PFKL: variants seen among roughly 807,000 people sequenced by gnomAD.
The protein encoded by PFKL is ATP-dependent 6-phosphofructokinase, liver type.
PFKL carries 74 observed loss-of-function variants against 92.1 expected under a neutral mutation model. That is an observed-to-expected ratio of 0.80 (90% confidence interval 0.67 to 0.97). The LOEUF is 0.97. Ranked by LOEUF, PFKL falls within the 50% of genes least tolerant of loss-of-function variation. The probability of loss-of-function intolerance (pLI) is 0.00; values close to 1 mark genes in which losing one functional copy is unlikely to be tolerated. For missense variants in PFKL, 1,028 were observed against 1,116.6 expected (o/e 0.92, Z 1.13); for synonymous variants, 494 against 456.4 (o/e 1.08, Z -1.05).
In PFKL at chr21:44,324,930, T is replaced by G; in HGVS notation, c.1877+13T>G. 1 of 1,596,478 alleles carries G rather than the reference T, an allele frequency of 6.3e-7. No individual in the cohort carries two copies. Among genetic ancestry groups the G allele is most frequent in the South Asian group, 1.1e-5 (1 of 89,078 alleles). On this transcript the variant is annotated intron_variant, in intron 18 of 21. Transcript: ENST00000349048. ...GCCTGGTGCTGCGGTGAGGCTGCCGTGGGTCCCTGGCCACAGCTGCGCGTC... is the reference window on the plus strand; with the variant it reads ...GCCTGGTGCTGCGGTGAGGCTGCCGGGGGTCCCTGGCCACAGCTGCGCGTC...
chr21:44,309,213 T>C (rs1175064299), intron 2 of PFKL, among the ~76,000 whole-genome samples: 1 of 152,076 alleles, frequency 6.6e-6, no homozygotes, highest in Admixed American at 6.5e-5. Flanking sequence ...CGATCCCTTC[T>C]CCTTGGGGCT....
At chr21:44,311,531 C>A (rs952698510) in intron 3 of PFKL, among the ~76,000 whole-genome samples, 2 of 152,148 alleles carry the variant, frequency 1.3e-5, no homozygotes, top group African/African-American at 4.8e-5. Flanking sequence ...TACTCAGAGT[C>A]ACACACACAC....
In PFKL at chr21:44,303,441, A is replaced by AAAAAAAAAAAAAGACTTGATCG. The variant is rs1555874967; in HGVS notation, c.86-3228_86-3227insGACTTGATCGAAAAAAAAAAAA. Reference sequence around the variant, plus strand: ...AAAAAAACAGACTTGACCAAAAAAAAAAAAAAAAAAAAAATGGCCCGGCCT... The same window carrying AAAAAAAAAAAAAGACTTGATCG: ...AAAAAAACAGACTTGACCAAAAAAAAAAAAAAAAAAAAGACTTGATCGAAAAAAAAAAAAAATGGCCCGGCCT... On this transcript the variant is annotated intron_variant, in intron 1 of 21. Coordinates refer to ENST00000349048, the MANE Select transcript of PFKL (RefSeq NM_002626.6). Among the ~76,000 whole-genome samples the AAAAAAAAAAAAAGACTTGATCG allele has an allele frequency of 3.5e-3, 336 of 97,078 alleles. 53 individuals carry two copies. The highest frequency in any genetic ancestry group is 5.9e-3 in the Middle Eastern group (1 of 170). The allele number at this position is 97,078 out of a possible 152,430, so 63.7% of individuals were successfully genotyped here.
At chr21:44,317,326 A>G (rs1035812647) in intron 9 of PFKL, among the ~76,000 whole-genome samples, 9 of 152,096 alleles carry the variant, frequency 5.9e-5, no homozygotes, top group Non-Finnish European at 1.2e-4. Flanking sequence ...GAGCATTCCC[A>G]GGGAACCCAC....
Position 44,323,060 on chromosome 21 carries a change from C to T in PFKL, c.1497+11C>T. 1 of 1,597,768 alleles carries T rather than the reference C, an allele frequency of 6.3e-7. No individual in the cohort carries two copies. Among genetic ancestry groups the T allele is most frequent in the Non-Finnish European group, 8.6e-7 (1 of 1,169,524 alleles). On this transcript the variant is annotated intron_variant, in intron 15 of 21. Transcript: ENST00000349048. ...GTCGGTGGGTTTGAGGTGAGAGCTG[C>T]CCACGGACGAAAAAGCCCCAGGGCA...
chr21:44,325,211 G>A lies in PFKL; in HGVS notation c.1936G>A (p.Glu646Lys). 1 of 1,613,362 alleles carries A rather than the reference G, an allele frequency of 6.2e-7. No individual in the cohort carries two copies. Among genetic ancestry groups the A allele is most frequent in the Non-Finnish European group, 8.5e-7 (1 of 1,179,868 alleles). The change falls in exon 19 of 22, where the codon GAG (glutamate) becomes AAG (lysine). Residue 646 changes from glutamate to lysine, a missense_variant. Transcript: ENST00000349048. ...TEFLYNLYSS[E>K]GKGVFDCRTN... ...GTTCCTGTACAACCTGTACTCATCA[G>A]AGGGCAAGGGCGTCTTCGACTGCAG...
At chr21:44,316,710 GTGTC>G (rs1006010256) in intron 9 of PFKL, among the ~76,000 whole-genome samples, 186 bp downstream of exon 9, 5 of 152,030 alleles carry the variant, frequency 3.3e-5, no homozygotes, top group African/African-American at 1.2e-4. Flanking sequence ...GTGTCTGTGT[GTGTC>G]TGGTCCGTGT....
intron 20 of PFKL, 49 bp downstream of exon 20, chr21:44,326,109 C>T: frequency 6.2e-7 from 1 of 1,604,434 alleles, no homozygotes; most frequent in Non-Finnish European, 8.5e-7. Context: ...CCCCTGGCTC[C>T]CTGGGGCAGG....
chr21:44,309,128 C>T (rs552949543), intron 2 of PFKL, among the ~76,000 whole-genome samples: 25 of 152,108 alleles, frequency 1.6e-4, no homozygotes, highest in Non-Finnish European at 3.5e-4. Context: ...GGGAGACCTG[C>T]GGCTGCGTCA....
At chr21:44,310,542 G>A (rs1012331563) in intron 2 of PFKL, among the ~76,000 whole-genome samples, 8 of 152,210 alleles carry the variant, frequency 5.3e-5, no homozygotes, top group African/African-American at 1.9e-4. Flanking sequence ...AAGAGCACGC[G>A]CCGCACACCC....
chr21:44,303,441 A>AAAAAAAAAAAAAAAAAAAAGACTTGATCG lies in PFKL; in HGVS notation c.86-3226_86-3225insAAAAAGACTTGATCGAAAAAAAAAAAAAA, dbSNP rs1555874972. ...AAAAAAACAGACTTGACCAAAAAAAAAAAAAAAAAAAAAATGGCCCGGCCT... is the reference window on the plus strand; with the variant it reads ...AAAAAAACAGACTTGACCAAAAAAAAAAAAAAAAAAAAAAAAAAAGACTTGATCGAAAAAAAAAAAAAATGGCCCGGCCT... On this transcript the variant is annotated intron_variant, in intron 1 of 21. Transcript: ENST00000349048. 5.1e-5 allele frequency among the ~76,000 whole-genome samples: 5 copies of AAAAAAAAAAAAAAAAAAAAGACTTGATCG among 97,136 alleles called. 1 individual carries two copies. Among genetic ancestry groups the AAAAAAAAAAAAAAAAAAAAGACTTGATCG allele is most frequent in the African/African-American group, 1.6e-4 (3 of 18,970 alleles). The allele number at this position is 97,136 out of a possible 152,430, so 63.7% of individuals were successfully genotyped here.
chr21:44,312,308 C>G lies in PFKL; in HGVS notation c.427+14C>G, dbSNP rs376301926. The G allele has an allele frequency of 1.3e-6, 2 of 1,575,340 alleles. No individual in the cohort carries two copies. Among genetic ancestry groups the G allele is most frequent in the African/African-American group, 2.7e-5 (2 of 73,060 alleles). The stretch of plus-strand genomic sequence containing the variant: ...TGGTGGCGGAAGGTGGGTCTGTGCC[C>G]GGCGCACTGTAGGCCCTGGGGTTTT... On this transcript the variant is annotated intron_variant, in intron 4 of 21. Coordinates refer to ENST00000349048, the MANE Select transcript of PFKL (RefSeq NM_002626.6).
At chr21:44,323,982 G>T in intron 16 of PFKL, 64 bp downstream of exon 16, 6 of 1,569,752 alleles carry the variant, frequency 3.8e-6, no homozygotes, top group Non-Finnish European at 4.4e-6. Flanking sequence ...CTGAGCCTAC[G>T]GAGGCTGCTG....
At position 44,313,681 on chromosome 21, in the gene PFKL, G is replaced by C. The variant is rs762774250; in HGVS notation, c.637G>C (p.Gly213Arg). Residue 213 changes from glycine (G) to arginine (R), a missense_variant and splice_region_variant, in exon 6 of 22, where the codon GGG (glycine) becomes CGG (arginine). Coordinates refer to ENST00000349048, the MANE Select transcript of PFKL (RefSeq NM_002626.6). ...FVLEVMGRHC[G>R]YLALVSALAS... ...GCTGGAAGTGATGGGCCGGCACTGC[G>C]GGTGAGGAGGGGCTTCCTGGCCCGC... 1 of 1,611,262 alleles carries C rather than the reference G, an allele frequency of 6.2e-7. No individual in the cohort carries two copies. The highest frequency in any genetic ancestry group is 2.2e-5 in the East Asian group (1 of 44,792).
intron 7 of PFKL, chr21:44,315,870 C>T (rs2146476822): frequency 6.7e-6 from 2 of 299,120 alleles, no homozygotes; most frequent in Non-Finnish European, 6.5e-6. Flanking sequence ...GGCCCCTCTG[C>T]CCTGTGCCCC....
intron 10 of PFKL, 36 bp downstream of exon 10, chr21:44,318,631 C>G (rs545037211): frequency 7.0e-7 from 1 of 1,432,710 alleles, no homozygotes; most frequent in South Asian, 1.5e-5. Flanking sequence ...AACCGCCTGG[C>G]CCCTCTCCCC....
chr21:44,308,391 C>T (rs191482458), intron 2 of PFKL, among the ~76,000 whole-genome samples: 22 of 152,180 alleles, frequency 1.4e-4, no homozygotes, highest in African/African-American at 4.3e-4. Context: ...ACTTCCCCTC[C>T]GTCCCATGAA....
intron 16 of PFKL, 155 bp from the exon 17 acceptor site, chr21:44,324,336 G>A: frequency 1.4e-6 from 1 of 720,616 alleles, no homozygotes; most frequent in South Asian, 1.8e-5. Context: ...GGGCCCAGGT[G>A]GGAGGTGGGC....
At chr21:44,318,731 C>G in intron 10 of PFKL, 136 bp downstream of exon 10, 1 of 619,440 alleles carries the variant, frequency 1.6e-6, no homozygotes, top group East Asian at 3.4e-5. Context: ...CAGGGCATCC[C>G]AGGTCTCCAG....
Sources: gnomAD v4.1 joint callset for allele counts (sites outside exome capture counted in the v4.1 genomes callset) on GRCh38, gnomAD v4.1.1 for gene constraint, MANE v1.5 for transcripts, NCBI Gene and HGNC (gene_info 2026-07-23, HGNC 2026-07-21) for gene names.